The following TG variants were observed in gnomAD, a reference collection of about 807,000 sequenced individuals.
TG encodes thyroglobulin.
In TG, 270 loss-of-function variants were observed where a neutral mutation model predicts 324.7. The observed-to-expected ratio is 0.83, with a 90% CI of 0.75 to 0.92. The LOEUF (loss-of-function observed/expected upper bound fraction) is 0.92. TG is among the 40% of genes least tolerant of loss of function. The probability of loss-of-function intolerance (pLI) is 0.00; values close to 1 mark genes in which losing one functional copy is unlikely to be tolerated. For missense variants in TG, 3,591 were observed against 3,456.4 expected (o/e 1.04, Z -0.98); for synonymous variants, 1,401 against 1,327.0 (o/e 1.06, Z -1.21).
intron 41 of TG, chr8:133,050,645 G>A (rs947837745): frequency 1.3e-5 from 8 of 595,554 alleles, no homozygotes; most frequent in Non-Finnish European, 2.4e-5. Flanking sequence ...AGGTTCTAGA[G>A]CACTGGCCAC....
intron 34 of TG, 71 bp from the exon 35 acceptor site, chr8:132,983,279 A>G: frequency 6.6e-7 from 1 of 1,511,288 alleles, no homozygotes; most frequent in South Asian, 1.1e-5. Context: ...TTATACTTAT[A>G]TTAATGCCTT....
intron 24 of TG, 45 bp downstream of exon 24, chr8:132,933,721 G>A (rs370978092): frequency 1.3e-6 from 2 of 1,568,108 alleles, no homozygotes; most frequent in Non-Finnish European, 1.8e-6. Flanking sequence ...CATCCGCTGT[G>A]GATCAGATGT....
At chr8:133,110,639 C>T (rs181592994) in intron 43 of TG, among the ~76,000 whole-genome samples, 11 of 152,262 alleles carry the variant, frequency 7.2e-5, no homozygotes, top group South Asian at 2.1e-4. Flanking sequence ...TGATTAAGGG[C>T]GTATGCCAGA....
chr8:132,870,535 A>G (rs1020324919), intron 3 of TG, among the ~76,000 whole-genome samples: 1 of 151,632 alleles, frequency 6.6e-6, no homozygotes, highest in African/African-American at 2.4e-5. Flanking sequence ...CACTAGGCAC[A>G]TAGTAGGTAT....
At position 132,881,875 on chromosome 8, in the gene TG, A is replaced by C; in HGVS notation, c.651A>C (p.Ala217=). The part of the protein sequence containing the change: ...LVHSYNRFPD[A]FVTFSSFQRR... ...CATTCTCTCCAAGGTTTCCAGATGCATTTGTGACCTTCAGTTCCTTCCAGA... is the reference window on the plus strand; with the variant it reads ...CATTCTCTCCAAGGTTTCCAGATGCCTTTGTGACCTTCAGTTCCTTCCAGA... The change falls in exon 6 of 48, where the codon GCA becomes GCC. Residue 217 remains alanine (A), a synonymous_variant. Coordinates refer to ENST00000220616, the MANE Select transcript of TG (RefSeq NM_003235.5). The C allele has an allele frequency of 6.2e-7, 1 of 1,613,074 alleles. No homozygotes were observed. Among genetic ancestry groups the C allele is most frequent in the Non-Finnish European group, 8.5e-7 (1 of 1,178,998 alleles).
At chr8:133,011,403 G>C (rs1376368850) in intron 35 of TG, among the ~76,000 whole-genome samples, 1 of 151,990 alleles carries the variant, frequency 6.6e-6, no homozygotes, top group Non-Finnish European at 1.5e-5. Context: ...GGTCCTGCAG[G>C]GGGGTCTCAG....
intron 40 of TG, among the ~76,000 whole-genome samples, chr8:133,027,559 G>A (rs1010419316): frequency 3.3e-5 from 5 of 152,232 alleles, no homozygotes; most frequent in Non-Finnish European, 5.9e-5. Flanking sequence ...CCAGACTGAT[G>A]AGATAGCCTC....
chr8:133,078,812 G>A (rs577063003), intron 41 of TG, among the ~76,000 whole-genome samples: 1 of 152,342 alleles, frequency 6.6e-6, no homozygotes, highest in Admixed American at 6.5e-5. Flanking sequence ...CCTATATTCA[G>A]AGGACAGACG....
At chr8:132,931,685 C>A (rs959852385) in intron 23 of TG, among the ~76,000 whole-genome samples, 1 of 152,100 alleles carries the variant, frequency 6.6e-6, no homozygotes, top group African/African-American at 2.4e-5. Flanking sequence ...TAATTGTTTT[C>A]TTGACTGAAT....
At position 132,923,693 on chromosome 8, in the gene TG, ATTG is replaced by A. The variant is rs1821422194; in HGVS notation, c.4699+188_4699+190del. Among the ~76,000 whole-genome samples, 13 of 152,348 alleles carry A rather than the reference ATTG, an allele frequency of 8.5e-5. No individual in the cohort carries two copies. In the South Asian group the frequency reaches 2.3e-3, roughly 27 times the overall value. Reference sequence around the variant, plus strand: ...AAATACCCATCACCTAGATCCAAAAATTGTTAACATTTCACTCTCTCTTTTTTG... The same window carrying A: ...AAATACCCATCACCTAGATCCAAAAATTAACATTTCACTCTCTCTTTTTTG... On this transcript the variant is annotated intron_variant, in intron 22 of 47. Coordinates refer to ENST00000220616, the MANE Select transcript of TG (RefSeq NM_003235.5).
chr8:132,868,320 C>T, intron 2 of TG, 97 bp downstream of exon 2: 1 of 1,121,858 alleles, frequency 8.9e-7, no homozygotes, highest in Non-Finnish European at 1.3e-6. Context: ...CCTGCAACTC[C>T]TTTGTGCATG....
intron 35 of TG, among the ~76,000 whole-genome samples, chr8:132,997,361 ATAAGCATGGAGCTT>A: frequency 6.6e-6 from 1 of 152,326 alleles, no homozygotes; most frequent in Middle Eastern, 3.4e-3. Context: ...CACCGAATAT[ATAAGCATGGAGCTT>A]GGGCAGAGGG....
intron 41 of TG, among the ~76,000 whole-genome samples, chr8:133,066,207 T>G (rs1221217375): frequency 6.6e-6 from 1 of 151,372 alleles, no homozygotes; most frequent in Non-Finnish European, 1.5e-5. Flanking sequence ...GCACCTGTAG[T>G]CCCAGCTACT....
At chr8:132,998,388 G>C (rs1464291203) in intron 35 of TG, among the ~76,000 whole-genome samples, 1 of 152,170 alleles carries the variant, frequency 6.6e-6, no homozygotes, top group East Asian at 1.9e-4. Flanking sequence ...CTGTGCCGGG[G>C]GTCAGTTGAA....
chr8:133,086,191 G>A (rs897313875), intron 41 of TG, among the ~76,000 whole-genome samples: 3 of 152,180 alleles, frequency 2.0e-5, no homozygotes, highest in Non-Finnish European at 2.9e-5. Flanking sequence ...GATGGCCTGC[G>A]GCTGGGAGTG....
At chr8:133,001,882 A>C (rs1477639598) in intron 35 of TG, 9 of 985,286 alleles carry the variant, frequency 9.1e-6, no homozygotes, top group Admixed American at 6.1e-5. Context: ...CGCCTCTTCT[A>C]TTTCCCAGCT....
At chr8:133,095,616 G>A (rs966640279) in intron 42 of TG, among the ~76,000 whole-genome samples, 5 of 152,216 alleles carry the variant, frequency 3.3e-5, no homozygotes, top group African/African-American at 1.2e-4. Context: ...AGATGGCAGT[G>A]TATTTGAGTC....
At chr8:132,964,898 CGGA>C (rs1299458602) in intron 29 of TG, 1 of 701,972 alleles carries the variant, frequency 1.4e-6, no homozygotes, top group Non-Finnish European at 2.6e-6. Flanking sequence ...AAAGGTTTCT[CGGA>C]GGAGGCCAGA....
chr8:133,062,364 C>T (rs543219746), intron 41 of TG, among the ~76,000 whole-genome samples: 37 of 152,326 alleles, frequency 2.4e-4, no homozygotes, highest in Middle Eastern at 3.4e-3. Flanking sequence ...CTGAGCCTGG[C>T]GAAGGTACCC....
Sources: allele counts gnomAD v4.1 joint callset (sites outside exome capture counted in the v4.1 genomes callset), GRCh38; gene constraint gnomAD v4.1.1; transcripts MANE v1.5; gene names NCBI Gene and HGNC (gene_info 2026-07-23, HGNC 2026-07-21).